The following FBXL20 variants were observed in gnomAD, a reference collection of about 807,000 sequenced individuals.
FBXL20 encodes F-box and leucine rich repeat protein 20.
A neutral mutation model predicts 64.0 loss-of-function variants in FBXL20; 11 were observed. The ratio of observed to expected loss-of-function variants is 0.17; its 90% CI spans 0.11 to 0.28. The LOEUF (loss-of-function observed/expected upper bound fraction) is 0.28. FBXL20 is among the 10% of genes least tolerant of loss of function. The probability of loss-of-function intolerance (pLI) is 1.00; values close to 1 mark genes in which losing one functional copy is unlikely to be tolerated. For missense variants in FBXL20, 303 were observed against 526.2 expected (o/e 0.58, Z 4.15); for synonymous variants, 184 against 189.0 (o/e 0.97, Z 0.22).
At chr17:39,308,552 A>T (rs558691681) in intron 2 of FBXL20, among the ~76,000 whole-genome samples, 54 of 147,304 alleles carry the variant, frequency 3.7e-4, no homozygotes, top group Non-Finnish European at 6.6e-4. Context: ...AAATCAAAAA[A>T]ATTTTTAATA....
chr17:39,337,340 C>T (rs1184997541), intron 2 of FBXL20, among the ~76,000 whole-genome samples: 2 of 151,980 alleles, frequency 1.3e-5, no homozygotes, highest in South Asian at 4.2e-4. Context: ...TCGCTACAAC[C>T]TCCACCTCCC....
chr17:39,287,312 A>G (rs142173972), intron 6 of FBXL20, among the ~76,000 whole-genome samples: 105 of 152,264 alleles, frequency 6.9e-4, no homozygotes, highest in African/African-American at 2.4e-3. Context: ...GTTTTTGACA[A>G]GTTGATTTGT....
intron 1 of FBXL20, among the ~76,000 whole-genome samples, chr17:39,353,351 A>C (rs1465692889): frequency 6.6e-5 from 10 of 152,150 alleles, no homozygotes; most frequent in African/African-American, 2.4e-4. Context: ...GGTCAGCCAC[A>C]GTCTGAAAAC....
chr17:39,362,406 C>G (rs1291076335), intron 1 of FBXL20, among the ~76,000 whole-genome samples: 2 of 152,232 alleles, frequency 1.3e-5, no homozygotes, highest in Non-Finnish European at 2.9e-5. Flanking sequence ...TCGAGACCAG[C>G]CTGGGTAAGA....
intron 1 of FBXL20, among the ~76,000 whole-genome samples, chr17:39,366,523 G>C (rs2047861339): frequency 6.6e-6 from 1 of 152,008 alleles, no homozygotes; most frequent in South Asian, 2.1e-4. Context: ...TGTCTCACTT[G>C]CTTTTTAAGG....
In FBXL20 at chr17:39,261,393, G is replaced by C. The variant is rs2046743901; in HGVS notation, c.*67C>G. On this transcript the variant is annotated 3_prime_UTR_variant, in exon 15 of 15. Transcript: ENST00000264658. Reference sequence around the variant, plus strand: ...GAACACTGGGGTTGCTTCCACTGGAGAGACTCCACGGTAGCTCTAGAAGTG... The same window carrying C: ...GAACACTGGGGTTGCTTCCACTGGACAGACTCCACGGTAGCTCTAGAAGTG... 5 of 1,313,636 alleles carry C rather than the reference G, an allele frequency of 3.8e-6. No homozygotes were observed. Among genetic ancestry groups the C allele is most frequent in the Non-Finnish European group, 4.4e-6 (4 of 907,828 alleles). The allele number at this position is 1,313,636 out of a possible 1,614,324, so 81.4% of individuals were successfully genotyped here. A position where few individuals can be genotyped will look rare whatever the true frequency, so the allele number is the denominator to read the frequency against.
At chr17:39,348,497 G>C (rs1477413556) in intron 1 of FBXL20, among the ~76,000 whole-genome samples, 1 of 151,884 alleles carries the variant, frequency 6.6e-6, no homozygotes, top group East Asian at 1.9e-4. Context: ...TCAGTATGTT[G>C]ACCAGGCTGG....
chr17:39,353,327 T>G (rs892297347), intron 1 of FBXL20, among the ~76,000 whole-genome samples: 1 of 152,134 alleles, frequency 6.6e-6, no homozygotes, highest in Non-Finnish European at 1.5e-5. Context: ...GTGGTTTTCC[T>G]TTCTACGGTC....
chr17:39,386,130 T>C (rs548316974), intron 1 of FBXL20, among the ~76,000 whole-genome samples: 1 of 146,832 alleles, frequency 6.8e-6, no homozygotes, highest in South Asian at 2.1e-4. Flanking sequence ...GGATAAGAGG[T>C]CAGGACATCC....
chr17:39,368,674 G>C (rs887529973), intron 1 of FBXL20, among the ~76,000 whole-genome samples: 4 of 151,896 alleles, frequency 2.6e-5, no homozygotes, highest in African/African-American at 9.7e-5. Context: ...TTGTTTTATT[G>C]AGATGGTGTC....
intron 2 of FBXL20, among the ~76,000 whole-genome samples, chr17:39,319,672 T>TAA (rs2047333222): frequency 8.9e-5 from 1 of 11,268 alleles, no homozygotes; most frequent in Non-Finnish European, 1.7e-4. Flanking sequence ...AGACTCCATA[T>TAA]CAAAAAAAAA....
rs574614834 is a variant in FBXL20, at chr17:39,321,257, G to C, written c.105-17618C>G. 2.0e-5 allele frequency among the ~76,000 whole-genome samples: 3 copies of C among 152,022 alleles called. No individual in the cohort carries two copies. In the South Asian group the frequency reaches 6.2e-4, roughly 32 times the overall value. On this transcript the variant is annotated intron_variant, in intron 2 of 14. Transcript: ENST00000264658. The stretch of plus-strand genomic sequence containing the variant: ...TCACGAGGTCAGGAGTTTGAGACCA[G>C]CCTGGCCACCACAGTAAAACCCCAT...
intron 6 of FBXL20, among the ~76,000 whole-genome samples, chr17:39,291,663 G>C (rs536064425): frequency 6.6e-6 from 1 of 152,030 alleles, no homozygotes; most frequent in South Asian, 2.1e-4. Context: ...TTGAACTCCT[G>C]ATCTCAAGTG....
At chr17:39,319,474 C>T (rs1162722857) in intron 2 of FBXL20, among the ~76,000 whole-genome samples, 1 of 151,954 alleles carries the variant, frequency 6.6e-6, no homozygotes. Flanking sequence ...ATCACAAGGT[C>T]AGGAGTTTGA....
chr17:39,273,234 T>C (rs2144362839), intron 10 of FBXL20, among the ~76,000 whole-genome samples: 1 of 152,152 alleles, frequency 6.6e-6, no homozygotes, highest in African/African-American at 2.4e-5. Context: ...CAGGCTGGTC[T>C]CAAACTCCTG....
intron 9 of FBXL20, among the ~76,000 whole-genome samples, chr17:39,278,789 A>AC (rs149596417): frequency 1 from 150,703 of 150,756 alleles, 75,325 homozygotes; most frequent in Middle Eastern, 1. Flanking sequence ...CAAACGATCC[A>AC]CCGTCTCGGC....
chr17:39,280,775 A>G (rs2046943808), intron 9 of FBXL20, among the ~76,000 whole-genome samples: 1 of 151,900 alleles, frequency 6.6e-6, no homozygotes, highest in African/African-American at 2.4e-5. Flanking sequence ...CATCTTATTT[A>G]TTTTTTTGAG....
chr17:39,347,196 G>A (rs1421765475), intron 1 of FBXL20, among the ~76,000 whole-genome samples: 2 of 152,174 alleles, frequency 1.3e-5, no homozygotes, highest in Admixed American at 1.3e-4. Context: ...AATCCTTTGG[G>A]TATATACCCA....
chr17:39,343,779 T>C (rs2047605735), intron 1 of FBXL20, among the ~76,000 whole-genome samples: 1 of 148,186 alleles, frequency 6.7e-6, no homozygotes, highest in South Asian at 2.2e-4. Context: ...CACTGCAACC[T>C]CCACTTCCCA....
Sources: allele counts gnomAD v4.1 joint callset (sites outside exome capture counted in the v4.1 genomes callset), GRCh38; gene constraint gnomAD v4.1.1; transcripts MANE v1.5; gene names NCBI Gene and HGNC (gene_info 2026-07-23, HGNC 2026-07-21).